Variants in STAG1 observed in about 807,000 individuals in gnomAD.
The protein encoded by STAG1 is cohesin subunit SA-1.
In STAG1, 26 loss-of-function variants were observed where a neutral mutation model predicts 170.9. The observed-to-expected ratio is 0.15, with a 90% CI of 0.11 to 0.21. STAG1 has a LOEUF of 0.21. STAG1 is among the 10% of genes least tolerant of loss of function. The probability of loss-of-function intolerance (pLI) is 1.00; values close to 1 mark genes in which losing one functional copy is unlikely to be tolerated. For missense variants in STAG1, 964 were observed against 1,509.5 expected (o/e 0.64, Z 5.99); for synonymous variants, 514 against 497.7 (o/e 1.03, Z -0.44).
chr3:136,729,093 G>A (rs1420450008), intron 1 of STAG1, among the ~76,000 whole-genome samples: 1 of 152,174 alleles, frequency 6.6e-6, no homozygotes, highest in African/African-American at 2.4e-5. Context: ...GGATTCTCCT[G>A]ACTCAGCTTC....
chr3:136,516,737 G>A (rs575590209), intron 7 of STAG1, among the ~76,000 whole-genome samples: 20 of 152,278 alleles, frequency 1.3e-4, no homozygotes, highest in African/African-American at 4.6e-4. Flanking sequence ...AAGAATAATA[G>A]AATAATAGCT....
At chr3:136,606,769 G>C (rs569066009) in intron 3 of STAG1, among the ~76,000 whole-genome samples, 3 of 92,662 alleles carry the variant, frequency 3.2e-5, no homozygotes, top group Non-Finnish European at 7.0e-5. Flanking sequence ...TTTTTTTTTG[G>C]GGACGAAGTT....
chr3:136,540,052 A>G (rs1935813261), intron 6 of STAG1, among the ~76,000 whole-genome samples: 1 of 152,162 alleles, frequency 6.6e-6, no homozygotes, highest in South Asian at 2.1e-4. Flanking sequence ...ATAAAATACA[A>G]TTTAATAAAG....
chr3:136,519,586 T>C (rs1021750806), intron 7 of STAG1, among the ~76,000 whole-genome samples: 2 of 151,620 alleles, frequency 1.3e-5, no homozygotes, highest in Non-Finnish European at 2.9e-5. Flanking sequence ...ATCAAGTAAA[T>C]GGGCATTACT....
chr3:136,524,752 T>G (rs1039643898), intron 6 of STAG1, among the ~76,000 whole-genome samples: 11 of 152,332 alleles, frequency 7.2e-5, no homozygotes, highest in African/African-American at 2.4e-4. Flanking sequence ...TAGCTCTTAT[T>G]ATTTTGAGAT....
In STAG1 at chr3:136,466,134, C is replaced by A. The variant is rs561791116; in HGVS notation, c.1206-1146G>T. On this transcript the variant is annotated intron_variant, in intron 12 of 33. Transcript: ENST00000383202. ...AAGAAACAGAGCTCCTCACCAGCAA[C>A]AGAACAAAGCTGGACGGAGAATGAC... Among the ~76,000 whole-genome samples the A allele has an allele frequency of 4.6e-5, 7 of 152,252 alleles. No homozygotes were observed. The South Asian group carries it at 1.4e-3, about 32-fold the overall frequency.
At chr3:136,426,600 G>C (rs2088132578) in intron 16 of STAG1, among the ~76,000 whole-genome samples, 1 of 152,102 alleles carries the variant, frequency 6.6e-6, no homozygotes, top group South Asian at 2.1e-4. Context: ...CACACTTACA[G>C]ATTGTACATG....
intron 7 of STAG1, among the ~76,000 whole-genome samples, chr3:136,503,070 A>G (rs1409987501): frequency 2.6e-5 from 4 of 152,146 alleles, no homozygotes; most frequent in Non-Finnish European, 5.9e-5. Flanking sequence ...CCTTTCTCCT[A>G]CTCCTAAAAA....
chr3:136,701,784 T>C (rs1025560919), intron 1 of STAG1, among the ~76,000 whole-genome samples: 3 of 152,276 alleles, frequency 2.0e-5, no homozygotes, highest in South Asian at 2.1e-4. Flanking sequence ...TCCTTCTTTA[T>C]AGGCACTGAA....
chr3:136,716,880 T>C (rs182024073), intron 1 of STAG1, among the ~76,000 whole-genome samples: 1 of 152,316 alleles, frequency 6.6e-6, no homozygotes, highest in Admixed American at 6.5e-5. Context: ...ATTACTATAT[T>C]TTTCCAAGCC....
chr3:136,515,148 C>T (rs541899949), intron 7 of STAG1, among the ~76,000 whole-genome samples: 2 of 152,082 alleles, frequency 1.3e-5, no homozygotes, highest in African/African-American at 4.8e-5. Context: ...GCGGACTGCC[C>T]GAGGTGAGGA....
chr3:136,521,164 CAT>C, intron 7 of STAG1, 47 bp downstream of exon 7: 1 of 1,437,166 alleles, frequency 7.0e-7, no homozygotes, highest in South Asian at 1.2e-5. Context: ...CAGAATAAAA[CAT>C]AGTCAACAAA....
intron 22 of STAG1, among the ~76,000 whole-genome samples, chr3:136,391,647 T>C (rs367646318): frequency 6.6e-6 from 1 of 152,290 alleles, no homozygotes; most frequent in African/African-American, 2.4e-5. Context: ...AGTGCTGGGA[T>C]TACAGGCGTA....
chr3:136,472,269 T>C, intron 12 of STAG1, 144 bp downstream of exon 12: 1 of 491,892 alleles, frequency 2.0e-6, no homozygotes, highest in East Asian at 3.3e-5. Flanking sequence ...GAAAACACTT[T>C]TTAAATCTAA....
At chr3:136,524,261 T>G (rs559702645) in intron 6 of STAG1, among the ~76,000 whole-genome samples, 4 of 152,314 alleles carry the variant, frequency 2.6e-5, no homozygotes, top group African/African-American at 9.6e-5. Context: ...TGTGTCGTCT[T>G]TTATTTCATT....
intron 7 of STAG1, among the ~76,000 whole-genome samples, chr3:136,506,579 G>C (rs1407639669): frequency 2.7e-5 from 4 of 147,578 alleles, no homozygotes; most frequent in Admixed American, 1.4e-4. Flanking sequence ...CCAGGAGGTA[G>C]AGATTGCAGT....
At chr3:136,725,908 T>C (rs564180423) in intron 1 of STAG1, among the ~76,000 whole-genome samples, 1 of 152,348 alleles carries the variant, frequency 6.6e-6, no homozygotes, top group Non-Finnish European at 1.5e-5. Context: ...CACTCAATTA[T>C]TAGTTAGAAA....
chr3:136,504,894 A>C (rs1468026043), intron 7 of STAG1, among the ~76,000 whole-genome samples: 1 of 152,208 alleles, frequency 6.6e-6, no homozygotes, highest in Non-Finnish European at 1.5e-5. Context: ...AGATACATAA[A>C]CAGTAAAGTA....
intron 4 of STAG1, among the ~76,000 whole-genome samples, chr3:136,584,310 T>C (rs893168272): frequency 2.0e-5 from 3 of 152,226 alleles, no homozygotes; most frequent in Non-Finnish European, 4.4e-5. Flanking sequence ...AAAACCTCCT[T>C]GGCCCTTATC....
Sources: allele counts gnomAD v4.1 joint callset (sites outside exome capture counted in the v4.1 genomes callset), GRCh38; gene constraint gnomAD v4.1.1; transcripts MANE v1.5; gene names NCBI Gene and HGNC (gene_info 2026-07-23, HGNC 2026-07-21).